AGPAT2: variants seen among roughly 807,000 people sequenced by gnomAD.
AGPAT2 encodes the protein 1-acylglycerol-3-phosphate O-acyltransferase 2.
In AGPAT2, 18 loss-of-function variants were observed where a neutral mutation model predicts 26.1. The ratio of observed to expected loss-of-function variants is 0.69; its 90% CI spans 0.48 to 1.02. The LOEUF is 1.02. AGPAT2 is among the 50% of genes least tolerant of loss of function. The pLI is 0.00. For missense variants in AGPAT2, 415 were observed against 394.9 expected, an observed-to-expected ratio of 1.05 and a Z score of -0.43; for synonymous variants, 200 against 174.2, an observed-to-expected ratio of 1.15 and a Z score of -1.16.
Position 136,677,986 on chromosome 9 carries a change from C to T in AGPAT2, c.183-430G>A, listed in dbSNP as rs78668155. On this transcript the variant is annotated intron_variant, in intron 1 of 5. Transcript: ENST00000371696. ...CCAGCAGAGGAAATGGGGCCCCACA[C>T]ACCCTGGGGAAGGTCACTGGCCCCT... Among the ~76,000 whole-genome samples the T allele has an allele frequency of 8.1e-4, 123 of 152,342 alleles. 5 individuals are homozygous for T. In the East Asian group the frequency reaches 0.023, roughly 28 times the overall value.
rs896612936 is a variant in AGPAT2 at position 136,687,411 on chromosome 9, C to A, written c.-54G>T. On this transcript the variant is annotated 5_prime_UTR_variant, in exon 1 of 6. Transcript: ENST00000371696. The stretch of plus-strand genomic sequence containing the variant: ...CAGCTCGCTCCCGCTCCCGCTCCCG[C>A]TTCTCCCCCGCGCGCTCAGGCCCCT... The A allele has an allele frequency of 8.0e-6, 11 of 1,370,764 alleles. No individual in the cohort carries two copies. The African/African-American group carries it at 1.1e-4, about 13-fold the overall frequency. The allele number at this position is 1,370,764 out of a possible 1,614,324, so 84.9% of individuals were successfully genotyped here.
At chr9:136,683,329 C>T (rs1371538011) in intron 1 of AGPAT2, among the ~76,000 whole-genome samples, 1 of 152,232 alleles carries the variant, frequency 6.6e-6, no homozygotes, top group Non-Finnish European at 1.5e-5. Flanking sequence ...GGTTCTAGGT[C>T]AGGGCCCAGG....
At position 136,684,222 on chromosome 9, in the gene AGPAT2, T is replaced by G. The variant is rs956361137; in HGVS notation, c.182+2954A>C. Among the ~76,000 whole-genome samples the G allele has an allele frequency of 8.3e-4, 127 of 152,216 alleles. 2 individuals carry two copies. The highest frequency in any genetic ancestry group is 2.4e-4 in the Non-Finnish European group (16 of 68,028). ...TGCTGTATGAAAAAGTAAACTTCTC[T>G]GTGGATTAAGCTGCTGTCTTGAGGG... On this transcript the variant is annotated intron_variant, in intron 1 of 5. Transcript: ENST00000371696.
intron 4 of AGPAT2, among the ~76,000 whole-genome samples, chr9:136,675,121 T>C (rs371059204): frequency 4.1e-4 from 63 of 152,136 alleles, no homozygotes; most frequent in African/African-American, 1.4e-3. Flanking sequence ...CAGGGCCCTG[T>C]CCGGTTTAGG....
intron 4 of AGPAT2, 134 bp from the exon 5 acceptor site, chr9:136,674,941 CT>C: frequency 1.9e-6 from 1 of 527,994 alleles, no homozygotes; most frequent in Non-Finnish European, 3.1e-6. Flanking sequence ...GTCCTTGTGG[CT>C]GTCCTGCCCC....
intron 1 of AGPAT2, among the ~76,000 whole-genome samples, chr9:136,678,538 G>A (rs1846121718): frequency 6.6e-6 from 1 of 152,196 alleles, no homozygotes; most frequent in African/African-American, 2.4e-5. Context: ...GCCGGGGCAA[G>A]GCTGTGCCAG....
chr9:136,686,839 G>A (rs1846227350), intron 1 of AGPAT2, among the ~76,000 whole-genome samples: 1 of 152,254 alleles, frequency 6.6e-6, no homozygotes, highest in African/African-American at 2.4e-5. Context: ...TCCCAGCGCG[G>A]ACCGGCCCCC....
In AGPAT2 at chr9:136,677,028, T is replaced by G. The variant is rs748422913; in HGVS notation, c.425A>C (p.Asn142Thr). 5.1e-6 allele frequency: 8 copies of G among 1,559,846 alleles called. No homozygotes were observed. The African/African-American group carries it at 1.1e-4, about 22-fold the overall frequency. The change falls in exon 3 of 6, where the codon AAC (asparagine) becomes ACC (threonine). Residue 142 changes from asparagine to threonine, a missense_variant. Physicochemically the swap from Asn to Thr is moderately conservative, Grantham distance 65 (BLOSUM62 0). Transcript: ENST00000371696. ...CATGGCAGTGCTAGAGCGCTGCCGG[T>G]TGATGAAGAAGACGCCCCCGAGGTA... ...IMYLGGVFFI[N>T]RQRSSTAMTV...
At position 136,676,154 on chromosome 9, in the gene AGPAT2, C is replaced by G. The variant is rs10217249; in HGVS notation, c.588+431G>C. Among the ~76,000 whole-genome samples, 302 of 152,326 alleles carry G rather than the reference C, an allele frequency of 2.0e-3. 2 individuals are homozygous for G. The highest frequency in any genetic ancestry group is 5.6e-3 in the African/African-American group (234 of 41,574). On this transcript the variant is annotated intron_variant, in intron 4 of 5. Coordinates refer to ENST00000371696, the MANE Select transcript of AGPAT2 (RefSeq NM_006412.4). ...CTGCTTACAATGAGCTCCACCCACC[C>G]TGAGCTCTGGTCTGGCCTGATACTA...
chr9:136,686,073 C>G (rs934974680), intron 1 of AGPAT2, among the ~76,000 whole-genome samples: 3 of 152,228 alleles, frequency 2.0e-5, no homozygotes, highest in African/African-American at 4.8e-5. Context: ...ACTCTCCATG[C>G]TCACCATCAG....
At chr9:136,682,208 C>T (rs536586169) in intron 1 of AGPAT2, among the ~76,000 whole-genome samples, 10 of 152,260 alleles carry the variant, frequency 6.6e-5, no homozygotes, top group South Asian at 4.1e-4. Context: ...CATCCTGAGG[C>T]TCCCTCCCTC....
chr9:136,674,907 C>G (rs911521712), intron 4 of AGPAT2, 100 bp from the exon 5 acceptor site: 5 of 788,276 alleles, frequency 6.3e-6, no homozygotes, highest in Non-Finnish European at 9.1e-6. Flanking sequence ...GGCCCACCCA[C>G]CCCTGCCTTC....
intron 1 of AGPAT2, among the ~76,000 whole-genome samples, chr9:136,686,615 C>T (rs1341643309): frequency 6.6e-6 from 1 of 152,228 alleles, no homozygotes; most frequent in Non-Finnish European, 1.5e-5. Context: ...GAAGCAGGTC[C>T]CCTCCGGGTC....
At chr9:136,675,042 T>G (rs1302486820) in intron 4 of AGPAT2, among the ~76,000 whole-genome samples, 1 of 152,174 alleles carries the variant, frequency 6.6e-6, no homozygotes, top group Non-Finnish European at 1.5e-5. Context: ...TAGGAAGCCC[T>G]CCTGAGCTAG....
At position 136,673,783 on chromosome 9, in the gene AGPAT2, G is replaced by T. The variant is rs1387024488; in HGVS notation, c.806C>A (p.Thr269Asn). 4 of 1,603,438 alleles carry T rather than the reference G, an allele frequency of 2.5e-6. No homozygotes were observed. Among genetic ancestry groups the T allele is most frequent in the Non-Finnish European group, 3.4e-6 (4 of 1,176,574 alleles). Residue 269 changes from threonine (T) to asparagine (N), a missense_variant, in exon 6 of 6, where the codon ACT (threonine) becomes AAT (asparagine). By Grantham distance (65) the Thr-to-Asn change is moderately conservative. Coordinates refer to ENST00000371696, the MANE Select transcript of AGPAT2 (RefSeq NM_006412.4). ...GGCCGGCTGCACGCCAGACCCCGCAGTGGCCCCGTTCTCCTGGGGGGTCTT... is the reference window on the plus strand; with the variant it reads ...GGCCGGCTGCACGCCAGACCCCGCATTGGCCCCGTTCTCCTGGGGGGTCTT... The part of the protein sequence containing the change: ...ISKTPQENGA[T>N]AGSGVQPAQ
chr9:136,674,498 C>T (rs532841763), intron 5 of AGPAT2, among the ~76,000 whole-genome samples: 23 of 152,378 alleles, frequency 1.5e-4, no homozygotes, highest in African/African-American at 5.3e-4. Context: ...CGTGTGAAGT[C>T]TCTTGGAGCC....
Position 136,673,876 on chromosome 9 carries a change from G to C in AGPAT2, c.713C>G (p.Ala238Gly), listed in dbSNP as rs200656731. The change falls in exon 6 of 6, where the codon GCG becomes GGG. Residue 238 changes from alanine to glycine, a missense_variant. Physicochemically the swap from Ala to Gly is moderately conservative, Grantham distance 60. Transcript: ENST00000371696. ...LEAIPTSGLTAADVPALVDTC... is the reference protein window; with the variant it reads ...LEAIPTSGLTGADVPALVDTC... ...GTCCACGAGCGCAGGGACGTCCGCC[G>C]CAGTGAGGCCGCTGGTGGGGATGGC... The C allele has an allele frequency of 2.3e-5, 37 of 1,602,708 alleles. No homozygotes were observed. The highest frequency in any genetic ancestry group is 3.1e-5 in the Non-Finnish European group (37 of 1,176,030).
At chr9:136,679,045 C>T (rs1330574547) in intron 1 of AGPAT2, among the ~76,000 whole-genome samples, 1 of 152,200 alleles carries the variant, frequency 6.6e-6, no homozygotes, top group African/African-American at 2.4e-5. Context: ...TGAGCCAACT[C>T]GCCCGGCCTT....
In AGPAT2 at chr9:136,677,511, G is replaced by C; in HGVS notation, c.228C>G (p.Leu76=). 6.2e-7 allele frequency: 1 copy of C among 1,613,026 alleles called. No homozygotes were observed. Among genetic ancestry groups the C allele is most frequent in the Non-Finnish European group, 8.5e-7 (1 of 1,179,966 alleles). ...FVRSFKYFYG[L]RFEVRDPRRL... is the part of the protein sequence containing the mutation. ...TGCGCGGGTCCCGCACCTCGAAGCG[G>C]AGCCCGTAAAAGTACTTGAAGCTTC... The change falls in exon 2 of 6, where the codon CTC becomes CTG. Residue 76 remains leucine (L), a synonymous_variant. Transcript: ENST00000371696.
Sources: gnomAD v4.1 joint callset for allele counts (sites outside exome capture counted in the v4.1 genomes callset) on GRCh38, gnomAD v4.1.1 for gene constraint, MANE v1.5 for transcripts, NCBI Gene and HGNC (gene_info 2026-07-23, HGNC 2026-07-21) for gene names.